SLIT2: variants seen among roughly 807,000 people sequenced by gnomAD.
The protein encoded by SLIT2 is slit guidance ligand 2.
A neutral mutation model predicts 185.7 loss-of-function variants in SLIT2; 41 were observed. The ratio of observed to expected loss-of-function variants is 0.22; its 90% confidence interval spans 0.17 to 0.29. SLIT2 has a LOEUF of 0.29. SLIT2 is among the 10% of genes least tolerant of loss of function. The probability of loss-of-function intolerance (pLI) is 1.00; values close to 1 mark genes in which losing one functional copy is unlikely to be tolerated. For synonymous variants in SLIT2, 693 were observed against 680.2 expected (o/e 1.02, Z -0.29); for missense variants, 1,571 against 1,909.0 (o/e 0.82, Z 3.30).
chr4:20,337,545 C>G (rs545627791), intron 4 of SLIT2, among the ~76,000 whole-genome samples: 1 of 152,262 alleles, frequency 6.6e-6, no homozygotes, highest in East Asian at 1.9e-4. Flanking sequence ...CAAACCATAT[C>G]AAATAGCAAA....
intron 4 of SLIT2, among the ~76,000 whole-genome samples, chr4:20,276,316 G>A (rs1028032620): frequency 6.6e-6 from 1 of 152,024 alleles, no homozygotes; most frequent in African/African-American, 2.4e-5. Flanking sequence ...CTATAACTGA[G>A]TTGATTATAA....
chr4:20,316,905 A>T (rs982230363), intron 4 of SLIT2, among the ~76,000 whole-genome samples: 1 of 151,548 alleles, frequency 6.6e-6, no homozygotes, highest in Non-Finnish European at 1.5e-5. Context: ...AAGGAAAGCA[A>T]ATAATCAAGC....
chr4:20,617,750 CAGG>C, intron 36 of SLIT2, 100 bp downstream of exon 36: 3 of 683,458 alleles, frequency 4.4e-6, no homozygotes, highest in East Asian at 2.8e-5. Flanking sequence ...AAAAAAAAAA[CAGG>C]AGCAACAGAG....
chr4:20,603,232 A>G (rs546314929), intron 33 of SLIT2, among the ~76,000 whole-genome samples: 1 of 152,340 alleles, frequency 6.6e-6, no homozygotes, highest in African/African-American at 2.4e-5. Context: ...CAGTAAAACC[A>G]TCACATCTCG....
At chr4:20,261,794 C>G (rs970852622) in intron 3 of SLIT2, among the ~76,000 whole-genome samples, 6 of 151,734 alleles carry the variant, frequency 4.0e-5, no homozygotes, top group Non-Finnish European at 7.4e-5. Flanking sequence ...GGATATTAGG[C>G]TTTGTGTGAA....
At chr4:20,461,873 C>A (rs182469911) in intron 4 of SLIT2, among the ~76,000 whole-genome samples, 2 of 152,248 alleles carry the variant, frequency 1.3e-5, no homozygotes, top group East Asian at 3.9e-4. Context: ...TGGAAGGAAT[C>A]ATAAGTCAAA....
chr4:20,619,206 A>G lies in SLIT2; in HGVS notation c.*197A>G, dbSNP rs1308806587. 9.2e-6 allele frequency: 5 copies of G among 543,744 alleles called. No homozygotes were observed. The highest frequency in any genetic ancestry group is 3.3e-5 in the East Asian group (1 of 30,748). The allele number at this position is 543,744 out of a possible 1,614,324, so 33.7% of individuals were successfully genotyped here. On this transcript the variant is annotated 3_prime_UTR_variant, in exon 37 of 37. Coordinates refer to ENST00000504154, the MANE Select transcript of SLIT2 (RefSeq NM_004787.4). ...AAATGCTTGAACTAAAGCTTCCCCTATGCTGGAGAAGTATGAAGAAAGATA... is the reference window on the plus strand; with the variant it reads ...AAATGCTTGAACTAAAGCTTCCCCTGTGCTGGAGAAGTATGAAGAAAGATA...
chr4:20,273,639 AAC>A, intron 4 of SLIT2, among the ~76,000 whole-genome samples: 1 of 152,152 alleles, frequency 6.6e-6, no homozygotes, highest in Non-Finnish European at 1.5e-5. Context: ...CAGTAGACAT[AAC>A]ACAATCAAAA....
chr4:20,449,139 A>G (rs1053627100), intron 4 of SLIT2, among the ~76,000 whole-genome samples: 1 of 152,162 alleles, frequency 6.6e-6, no homozygotes, highest in Non-Finnish European at 1.5e-5. Flanking sequence ...AATTAAATCA[A>G]TTGTTTTCAA....
chr4:20,568,091 TG>T (rs1215604542), intron 28 of SLIT2, among the ~76,000 whole-genome samples: 2 of 152,136 alleles, frequency 1.3e-5, no homozygotes, highest in African/African-American at 4.8e-5. Flanking sequence ...GATTTTAATC[TG>T]GAGTTATTTA....
At chr4:20,447,037 C>A (rs146861029) in intron 4 of SLIT2, among the ~76,000 whole-genome samples, 1,947 of 152,252 alleles carry the variant, frequency 0.013, 44 homozygotes, top group African/African-American at 0.045. Flanking sequence ...AGGATAGAAA[C>A]GTCACAGAAG....
intron 8 of SLIT2, chr4:20,490,840 C>A (rs1174842160): frequency 2.0e-6 from 3 of 1,502,210 alleles, no homozygotes; most frequent in African/African-American, 1.4e-5. Flanking sequence ...TTTTTTAGAC[C>A]GAGGATATTT....
intron 18 of SLIT2, among the ~76,000 whole-genome samples, chr4:20,538,120 A>G (rs13111693): frequency 6.6e-6 from 1 of 151,858 alleles, no homozygotes; most frequent in African/African-American, 2.4e-5. Flanking sequence ...CCACCACGCT[A>G]GGCTAATTTT....
intron 23 of SLIT2, 134 bp downstream of exon 23, chr4:20,548,693 A>G: frequency 1.6e-6 from 1 of 644,602 alleles, no homozygotes. Context: ...AACAGACAAA[A>G]CCACGATACG....
intron 4 of SLIT2, among the ~76,000 whole-genome samples, chr4:20,286,971 G>A (rs913436612): frequency 2.0e-5 from 3 of 152,142 alleles, no homozygotes; most frequent in Non-Finnish European, 2.9e-5. Flanking sequence ...GAAGCCTAAA[G>A]TGGTTATCCC....
chr4:20,571,620 T>A (rs1026998053), intron 29 of SLIT2, among the ~76,000 whole-genome samples: 1 of 152,196 alleles, frequency 6.6e-6, no homozygotes. Context: ...AATTTTCTTA[T>A]AATGTGATTA....
At chr4:20,369,852 T>C (rs1560360901) in intron 4 of SLIT2, among the ~76,000 whole-genome samples, 1 of 152,152 alleles carries the variant, frequency 6.6e-6, no homozygotes, top group Admixed American at 6.6e-5. Context: ...CTGAAGGTCT[T>C]TGATATCTTC....
chr4:20,255,722 A>T (rs1396059246), intron 1 of SLIT2, among the ~76,000 whole-genome samples: 1 of 152,206 alleles, frequency 6.6e-6, no homozygotes, highest in Non-Finnish European at 1.5e-5. Flanking sequence ...TCCTTGAAAA[A>T]ATATACATCC....
intron 32 of SLIT2, among the ~76,000 whole-genome samples, chr4:20,597,017 C>A (rs775998237): frequency 5.3e-5 from 8 of 150,980 alleles, no homozygotes; most frequent in Non-Finnish European, 7.4e-5. Flanking sequence ...AGGGTGCAGG[C>A]GAGAAAGAAC....
Sources: gnomAD v4.1 joint callset for allele counts (sites outside exome capture counted in the v4.1 genomes callset) on GRCh38, gnomAD v4.1.1 for gene constraint, MANE v1.5 for transcripts, NCBI Gene and HGNC (gene_info 2026-07-23, HGNC 2026-07-21) for gene names.